ENAH: variants seen among roughly 807,000 people sequenced by gnomAD.
ENAH encodes the protein protein enabled homolog.
Under a neutral mutation model 78.7 loss-of-function variants are expected in ENAH, and 23 were observed. The observed-to-expected ratio is 0.29, with a 90% CI of 0.21 to 0.41. The LOEUF (loss-of-function observed/expected upper bound fraction) is 0.41, where lower values mean the gene tolerates loss of function less well. Among genes scored for constraint, ENAH ranks in the 10% least tolerant of loss-of-function variants. ENAH has a pLI of 1.00. For missense variants in ENAH, 544 were observed against 691.0 expected (o/e 0.79, Z 2.39); for synonymous variants, 226 against 241.0 (o/e 0.94, Z 0.58).
At chr1:225,604,521 C>T (rs375051755) in intron 1 of ENAH, among the ~76,000 whole-genome samples, 2 of 151,606 alleles carry the variant, frequency 1.3e-5, no homozygotes, top group Admixed American at 6.6e-5. Flanking sequence ...CAGTGGCTCA[C>T]GCCTGTAATC....
intron 3 of ENAH, among the ~76,000 whole-genome samples, chr1:225,547,064 GTTGTTTTTGTT>G (rs1038285366): frequency 6.7e-6 from 1 of 149,736 alleles, no homozygotes; most frequent in African/African-American, 2.5e-5. Context: ...TGTTGTTGTT[GTTGTTTTTGTT>G]TTGTTTTTTT....
chr1:225,555,263 C>T (rs1312529282), intron 2 of ENAH, among the ~76,000 whole-genome samples, 180 bp from the exon 3 acceptor site: 2 of 152,068 alleles, frequency 1.3e-5, no homozygotes, highest in African/African-American at 2.4e-5. Flanking sequence ...TTAAGCTTTT[C>T]GCTGATTACA....
chr1:225,530,981 TG>T, intron 3 of ENAH: 1 of 402,094 alleles, frequency 2.5e-6, no homozygotes, highest in East Asian at 3.5e-5. Flanking sequence ...ACATTCTCTT[TG>T]GGGTAATTAT....
At chr1:225,605,986 C>T (rs1471465816) in intron 1 of ENAH, among the ~76,000 whole-genome samples, 6 of 152,232 alleles carry the variant, frequency 3.9e-5, no homozygotes, top group Non-Finnish European at 7.3e-5. Flanking sequence ...TACTACAACA[C>T]TCTTACCTAA....
intron 3 of ENAH, 92 bp downstream of exon 3, chr1:225,554,814 T>A: frequency 3.7e-6 from 4 of 1,087,594 alleles, no homozygotes; most frequent in Non-Finnish European, 5.1e-6. Context: ...AACATACACA[T>A]GGCACTTCAG....
intron 1 of ENAH, among the ~76,000 whole-genome samples, chr1:225,572,363 T>C (rs1398528869): frequency 6.6e-6 from 1 of 152,166 alleles, no homozygotes; most frequent in East Asian, 1.9e-4. Flanking sequence ...TTGCCCTACT[T>C]GACAGGTATG....
At chr1:225,535,384 T>A (rs41310559) in intron 3 of ENAH, 24 of 451,372 alleles carry the variant, frequency 5.3e-5, no homozygotes, top group Non-Finnish European at 6.7e-5. Flanking sequence ...ATAAAAACAA[T>A]AGCTTGCTAT....
At chr1:225,589,299 T>TAC (rs2096863715) in intron 1 of ENAH, among the ~76,000 whole-genome samples, 1 of 152,018 alleles carries the variant, frequency 6.6e-6, no homozygotes. Context: ...TATATATATA[T>TAC]CACAAAAGGA....
chr1:225,620,283 T>C (rs1235579101), intron 1 of ENAH, among the ~76,000 whole-genome samples: 1 of 151,998 alleles, frequency 6.6e-6, no homozygotes, highest in Non-Finnish European at 1.5e-5. Flanking sequence ...ATCCCAGCAC[T>C]TTGGGAGGCC....
At chr1:225,589,758 GTTAATA>G (rs1241758172) in intron 1 of ENAH, among the ~76,000 whole-genome samples, 5 of 152,160 alleles carry the variant, frequency 3.3e-5, no homozygotes, top group Admixed American at 3.3e-4. Flanking sequence ...ATAGTAAAAT[GTTAATA>G]TTAATAGTAG....
chr1:225,635,909 T>C (rs981232074), intron 1 of ENAH, among the ~76,000 whole-genome samples: 1 of 152,218 alleles, frequency 6.6e-6, no homozygotes, highest in African/African-American at 2.4e-5. Context: ...AAAACTGTAA[T>C]ACAGAAATCC....
At chr1:225,566,457 A>G (rs1278319590) in intron 2 of ENAH, among the ~76,000 whole-genome samples, 1 of 152,112 alleles carries the variant, frequency 6.6e-6, no homozygotes, top group Non-Finnish European at 1.5e-5. Flanking sequence ...ACCTTTCTTC[A>G]TAAGAGCTCA....
At chr1:225,530,510 C>A in intron 4 of ENAH, 44 bp downstream of exon 4, 1 of 1,490,964 alleles carries the variant, frequency 6.7e-7, no homozygotes, top group East Asian at 2.3e-5. Context: ...GTTTTGTCTT[C>A]TGAAGCATAA....
intron 1 of ENAH, among the ~76,000 whole-genome samples, chr1:225,597,970 T>C (rs948797304): frequency 4.6e-5 from 7 of 152,058 alleles, no homozygotes; most frequent in Admixed American, 1.3e-4. Flanking sequence ...AATATTCTTT[T>C]CCAGTTCTAT....
intron 1 of ENAH, among the ~76,000 whole-genome samples, chr1:225,641,789 G>A (rs1661110001): frequency 6.6e-6 from 1 of 152,118 alleles, no homozygotes; most frequent in Non-Finnish European, 1.5e-5. Context: ...GGGAGGCCGA[G>A]GCAGGCAGAT....
intron 1 of ENAH, among the ~76,000 whole-genome samples, chr1:225,630,811 T>G (rs1490359253): frequency 6.6e-6 from 1 of 152,208 alleles, no homozygotes; most frequent in East Asian, 1.9e-4. Flanking sequence ...TACAATAAAC[T>G]TCTGATGTTC....
chr1:225,596,380 CAAGTT>C (rs1169089057), intron 1 of ENAH, among the ~76,000 whole-genome samples: 4 of 152,296 alleles, frequency 2.6e-5, no homozygotes, highest in Non-Finnish European at 5.9e-5. Flanking sequence ...AGTCAGGACT[CAAGTT>C]GAGTTTAGCC....
chr1:225,553,357 AT>A (rs1252304395), intron 3 of ENAH, among the ~76,000 whole-genome samples: 2 of 152,236 alleles, frequency 1.3e-5, no homozygotes, highest in African/African-American at 2.4e-5. Flanking sequence ...GAATAATAAA[AT>A]TTTAACTACT....
chr1:225,536,986 T>G (rs1376885979), intron 3 of ENAH, among the ~76,000 whole-genome samples: 1 of 152,106 alleles, frequency 6.6e-6, no homozygotes, highest in East Asian at 1.9e-4. Context: ...TTAGAATATT[T>G]TCAATAATTA....
Sources: gnomAD v4.1 joint callset for allele counts (sites outside exome capture counted in the v4.1 genomes callset) on GRCh38, gnomAD v4.1.1 for gene constraint, MANE v1.5 for transcripts, NCBI Gene and HGNC (gene_info 2026-07-23, HGNC 2026-07-21) for gene names.